Variants in NUP210 observed in about 807,000 individuals in gnomAD.
NUP210 encodes the protein nucleoporin 210, also known as nuclear pore membrane glycoprotein 210.
Under a neutral mutation model 196.0 loss-of-function variants are expected in NUP210, and 151 were observed. The observed-to-expected ratio is 0.77, with a 90% CI of 0.67 to 0.88. NUP210 has a LOEUF of 0.88. Among genes scored for constraint, NUP210 ranks in the 40% least tolerant of loss-of-function variants. NUP210 has a pLI of 0.00. For missense variants in NUP210, 2,314 were observed against 2,493.7 expected (o/e 0.93, Z 1.53); for synonymous variants, 1,070 against 1,052.7 (o/e 1.02, Z -0.32).
chr3:13,377,953 G>C (rs1479208960), intron 8 of NUP210, among the ~76,000 whole-genome samples: 4 of 150,726 alleles, frequency 2.7e-5, no homozygotes, highest in Non-Finnish European at 5.9e-5. Flanking sequence ...CACCCACCTG[G>C]AGGCCCCACA....
At chr3:13,342,662 T>C (rs1697559932) in intron 21 of NUP210, among the ~76,000 whole-genome samples, 1 of 152,172 alleles carries the variant, frequency 6.6e-6, no homozygotes, top group African/African-American at 2.4e-5. Context: ...ACCGCAACCC[T>C]CTGGAAGCCC....
chr3:13,389,634 G>A (rs1041863740), intron 4 of NUP210, among the ~76,000 whole-genome samples: 7 of 152,290 alleles, frequency 4.6e-5, no homozygotes, highest in South Asian at 2.1e-4. Context: ...TCACAAAGGC[G>A]TCAGGACATG....
At chr3:13,376,193 C>T (rs1698897372) in intron 10 of NUP210, 98 bp downstream of exon 10, 1 of 1,293,436 alleles carries the variant, frequency 7.7e-7, no homozygotes, top group African/African-American at 1.5e-5. Flanking sequence ...GCAGGTGGCC[C>T]AACTCCCTGG....
At position 13,360,409 on chromosome 3, in the gene NUP210, A is replaced by G. The variant is rs1477928254; in HGVS notation, c.2015T>C (p.Ile672Thr). 6.2e-7 allele frequency: 1 copy of G among 1,614,094 alleles called. No individual in the cohort carries two copies. The highest frequency in any genetic ancestry group is 2.2e-5 in the East Asian group (1 of 44,882). ...MLFEGGPRPW[I>T]LEPSKFFQNV... ...CTGGAAGAATTTGGACGGCTCGAGGATCCAAGGTCTGGGACCTCCTTCAAA... is the reference window on the plus strand; with the variant it reads ...CTGGAAGAATTTGGACGGCTCGAGGGTCCAAGGTCTGGGACCTCCTTCAAA... The change falls in exon 15 of 40, where the codon ATC (isoleucine) becomes ACC (threonine). Residue 672 changes from isoleucine (I) to threonine (T), a missense_variant. Transcript: ENST00000254508.
rs150154991 is a variant in NUP210, at chr3:13,386,878, C to T, written c.685-471G>A. ...CCCCTTCCCCTGCCCGCCTTTCACC[C>T]CCGACCTGTGACCTCCTGCCTCCTC... On this transcript the variant is annotated intron_variant, in intron 5 of 39. Coordinates refer to ENST00000254508, the MANE Select transcript of NUP210 (RefSeq NM_024923.4). Among the ~76,000 whole-genome samples the T allele has an allele frequency of 2.1e-3, 316 of 152,298 alleles. 2 individuals are homozygous for T. The highest frequency in any genetic ancestry group is 7.5e-3 in the African/African-American group (310 of 41,544).
rs769657245 is a variant in NUP210 at position 13,335,564 on chromosome 3, C to A, written c.3733G>T (p.Gly1245Cys). 91 of 1,614,006 alleles carry A rather than the reference C, an allele frequency of 5.6e-5. No homozygotes were observed. The highest frequency in any genetic ancestry group is 6.4e-5 in the Non-Finnish European group (76 of 1,180,054). ...SQYNFAMNVL[G>C]RVKGRTGLRV... ...AGCCCGGTCCGGCCTTTTACCCGGC[C>A]GAGCACGTTCATGGCAAAGTTGTAC... Residue 1245 changes from glycine (G) to cysteine (C), a missense_variant, in exon 28 of 40, where the codon GGC becomes TGC. By Grantham distance (159) the Gly-to-Cys change is radical (BLOSUM62 -3). Transcript: ENST00000254508.
rs1412979839 is a variant in NUP210, at chr3:13,328,946, C to T, written c.4111G>A (p.Val1371Ile). 1.2e-6 allele frequency: 2 copies of T among 1,613,500 alleles called. No homozygotes were observed. The highest frequency in any genetic ancestry group is 1.7e-5 in the Admixed American group (1 of 60,002). ...ANQTIIVAVK[V>I]SPVSYLRVSM... is the part of the protein sequence containing the mutation. ...ACCCTCAGGTAGGAAACAGGGGATACCTAAGGGACAACATACAGGTATGAT... is the reference window on the plus strand; with the variant it reads ...ACCCTCAGGTAGGAAACAGGGGATATCTAAGGGACAACATACAGGTATGAT... Residue 1371 changes from valine (V) to isoleucine (I), a missense_variant and splice_region_variant, in exon 31 of 40, where the codon GTA becomes ATA. Val to Ile is a conservative substitution (Grantham distance 29, BLOSUM62 3). Transcript: ENST00000254508.
chr3:13,325,746 G>C, intron 33 of NUP210, 49 bp downstream of exon 33: 4 of 1,600,248 alleles, frequency 2.5e-6, no homozygotes, highest in Non-Finnish European at 3.4e-6. Context: ...GGTCAGGCCC[G>C]CCTCACAGGC....
chr3:13,353,549 G>C lies in NUP210; in HGVS notation c.2628+5C>G. 1 of 1,612,462 alleles carries C rather than the reference G, an allele frequency of 6.2e-7. No individual in the cohort carries two copies. Among genetic ancestry groups the C allele is most frequent in the Non-Finnish European group, 8.5e-7 (1 of 1,178,560 alleles). On this transcript the variant is annotated splice_donor_5th_base_variant and intron_variant, in intron 18 of 39. Coordinates refer to ENST00000254508, the MANE Select transcript of NUP210 (RefSeq NM_024923.4). ...GCCCACCCACCACTGGGCCCTGGGA[G>C]ATACCGGCTGCTTTGTTCTGGCAGA...
At chr3:13,318,590 C>G (rs1367034263) in intron 39 of NUP210, among the ~76,000 whole-genome samples, 2 of 152,218 alleles carry the variant, frequency 1.3e-5, no homozygotes, top group African/African-American at 4.8e-5. Context: ...AGAGAAACTA[C>G]ATTCACACAG....
chr3:13,418,948 CAAAAAAAAAAAAA>C (rs112826426), intron 1 of NUP210, among the ~76,000 whole-genome samples: 3 of 52,508 alleles, frequency 5.7e-5, no homozygotes, highest in African/African-American at 1.1e-4. Context: ...AACTCCGTCT[CAAAAAAAAAAAAA>C]AAAAAAAAAA....
In NUP210 at chr3:13,384,403, T is replaced by C. The variant is rs114299607; in HGVS notation, c.817+1872A>G. Among the ~76,000 whole-genome samples, 498 of 152,320 alleles carry C rather than the reference T, an allele frequency of 3.3e-3. 5 individuals carry two copies. Among genetic ancestry groups the C allele is most frequent in the African/African-American group, 0.012 (487 of 41,566 alleles). ...CTTCAGGTCTTCTATGCCTCAGTTT[T>C]CCTCATGTATGAAACAGGGTATTAA... is the stretch of plus-strand genomic sequence containing the variant. On this transcript the variant is annotated intron_variant, in intron 6 of 39. Transcript: ENST00000254508.
intron 20 of NUP210, 33 bp from the exon 21 acceptor site, chr3:13,343,336 T>TGGGGGGGGGGGGGG: frequency 7.7e-6 from 2 of 260,402 alleles, no homozygotes; most frequent in Non-Finnish European, 1.4e-5. Flanking sequence ...GAGGGGTGGG[T>TGGGGGGGGGGGGGG]GGTGGGTTAC....
intron 4 of NUP210, among the ~76,000 whole-genome samples, chr3:13,389,783 C>T (rs1386034486): frequency 6.6e-6 from 1 of 152,138 alleles, no homozygotes; most frequent in African/African-American, 2.4e-5. Context: ...AACTCCCTGA[C>T]AAAGGACTTA....
intron 31 of NUP210, 56 bp from the exon 32 acceptor site, chr3:13,327,493 C>A: frequency 7.7e-7 from 1 of 1,296,446 alleles, no homozygotes; most frequent in South Asian, 1.3e-5. Context: ...CTTCCAACTC[C>A]CAAAGGGAGA....
intron 28 of NUP210, among the ~76,000 whole-genome samples, 159 bp downstream of exon 28, chr3:13,335,295 G>A (rs13098069): frequency 0.48 from 72,612 of 151,946 alleles, 17,566 homozygotes; most frequent in Middle Eastern, 0.55. Flanking sequence ...AATCACACCC[G>A]GATGTTTACC....
chr3:13,397,223 C>T (rs1246967287), intron 3 of NUP210, 134 bp downstream of exon 3: 6 of 1,087,090 alleles, frequency 5.5e-6, no homozygotes, highest in Non-Finnish European at 7.6e-6. Flanking sequence ...CTTCACCTGC[C>T]TGACCAGAGC....
intron 17 of NUP210, 34 bp from the exon 18 acceptor site, chr3:13,353,694 G>A: frequency 1.9e-6 from 3 of 1,578,036 alleles, no homozygotes; most frequent in Non-Finnish European, 2.6e-6. Context: ...ACCGTTGGAT[G>A]TCTGCCCATC....
rs574426816 is a variant in NUP210, at chr3:13,404,578, T to TAA, written c.168-4719_168-4718dup. On this transcript the variant is annotated intron_variant, in intron 1 of 39. Coordinates refer to ENST00000254508, the MANE Select transcript of NUP210 (RefSeq NM_024923.4). The stretch of plus-strand genomic sequence containing the variant: ...GCTATGTCCTCATCTTACAGATCGG[T>TAA]AAACTGAGGCTTAGGAAAACGGGAC... Among the ~76,000 whole-genome samples, 147 of 152,336 alleles carry TAA rather than the reference T, an allele frequency of 9.6e-4. 1 individual carries two copies. Among genetic ancestry groups the TAA allele is most frequent in the African/African-American group, 3.4e-3 (140 of 41,570 alleles).
Sources: allele counts gnomAD v4.1 joint callset (sites outside exome capture counted in the v4.1 genomes callset), GRCh38; gene constraint gnomAD v4.1.1; transcripts MANE v1.5; gene names NCBI Gene and HGNC (gene_info 2026-07-23, HGNC 2026-07-21).